PDE3B: variants seen among roughly 807,000 people sequenced by gnomAD.
The protein encoded by PDE3B is phosphodiesterase 3B, also known as cGMP-inhibited 3',5'-cyclic phosphodiesterase 3B.
PDE3B carries 66 observed loss-of-function variants against 116.8 expected under a neutral mutation model. The ratio of observed to expected loss-of-function variants is 0.56; its 90% confidence interval spans 0.46 to 0.69. The LOEUF (loss-of-function observed/expected upper bound fraction) is 0.69, where lower values mean the gene tolerates loss of function less well. Among genes scored for constraint, PDE3B ranks in the 30% least tolerant of loss-of-function variants. The pLI, the probability that PDE3B is intolerant of heterozygous loss-of-function variation, is 0.00. For synonymous variants in PDE3B, 595 were observed against 533.6 expected (o/e 1.12, Z -1.59); for missense variants, 1,384 against 1,368.1 (o/e 1.01, Z -0.18).
intron 1 of PDE3B, among the ~76,000 whole-genome samples, chr11:14,744,683 G>T (rs112585705): frequency 3.9e-5 from 6 of 152,122 alleles, no homozygotes; most frequent in Non-Finnish European, 7.4e-5. Flanking sequence ...CATCCTGAAA[G>T]GCTGGCAAAA....
chr11:14,688,113 T>TTCTCTCTCTCTCTCTC (rs35700152), intron 1 of PDE3B, among the ~76,000 whole-genome samples: 30 of 109,840 alleles, frequency 2.7e-4, no homozygotes, highest in East Asian at 8.1e-4. Flanking sequence ...CTCTCTCTCT[T>TTCTCTCTCTCTCTCTC]TCTCTCTCTC....
At chr11:14,681,069 C>T (rs1008835664) in intron 1 of PDE3B, among the ~76,000 whole-genome samples, 1 of 152,106 alleles carries the variant, frequency 6.6e-6, no homozygotes, top group African/African-American at 2.4e-5. Flanking sequence ...ACCAGACTTT[C>T]AATTTATGGT....
downstream of PDE3B, among the ~76,000 whole-genome samples, chr11:14,875,135 A>G (rs1423382573): frequency 1.3e-5 from 2 of 152,112 alleles, no homozygotes; most frequent in Non-Finnish European, 1.5e-5. Context: ...TCAGCTGTTT[A>G]TCCCAGTAAA....
chr11:14,836,886 C>T (rs1009075669), intron 11 of PDE3B, among the ~76,000 whole-genome samples: 4 of 152,304 alleles, frequency 2.6e-5, no homozygotes, highest in South Asian at 2.1e-4. Flanking sequence ...CTCGGCTCAC[C>T]GCAACCTCCG....
chr11:14,755,326 C>T (rs746029980), intron 1 of PDE3B, among the ~76,000 whole-genome samples: 7 of 152,132 alleles, frequency 4.6e-5, no homozygotes, highest in Admixed American at 6.6e-5. Context: ...AGGGATTTTC[C>T]GTATTTCAAA....
At chr11:14,880,383 A>C in the PDE3B span, 2 of 1,613,458 alleles carry the variant, frequency 1.2e-6, no homozygotes, top group African/African-American at 2.7e-5. Context: ...CATAGACTAC[A>C]GCTGCATTTC....
At chr11:14,891,241 C>G in the PDE3B span, 19 of 984,962 alleles carry the variant, frequency 1.9e-5, no homozygotes, top group African/African-American at 3.3e-4. Flanking sequence ...AGCGAAGTAC[C>G]GACCTCACCG....
Position 14,835,044 on chromosome 11 carries a change from G to C in PDE3B, c.2269G>C (p.Val757Leu). The C allele has an allele frequency of 6.2e-7, 1 of 1,613,382 alleles. No individual in the cohort carries two copies. The highest frequency in any genetic ancestry group is 8.5e-7 in the Non-Finnish European group (1 of 1,179,550). Residue 757 changes from valine (V) to leucine (L), a missense_variant, in exon 11 of 16, where the codon GTT (valine) becomes CTT (leucine). Transcript: ENST00000282096. The part of the protein sequence containing the change: ...HAVWYLTTRP[V>L]PGLQQIHNGC... ...AGTTTGGTATCTGACAACACGGCCA[G>C]TTCCTGGCTTACAGCAGATCCACAA...
intron 14 of PDE3B, among the ~76,000 whole-genome samples, chr11:14,866,087 A>T (rs962712807): frequency 6.6e-6 from 1 of 152,148 alleles, no homozygotes; most frequent in Non-Finnish European, 1.5e-5. Flanking sequence ...GAATGATGGT[A>T]CCTACCTCAT....
chr11:14,696,362 A>G (rs1855208275), intron 1 of PDE3B, among the ~76,000 whole-genome samples: 1 of 152,148 alleles, frequency 6.6e-6, no homozygotes, highest in Admixed American at 6.6e-5. Context: ...GTTTAACTTC[A>G]GTAGAAACTC....
chr11:14,751,251 G>C (rs894559675), intron 1 of PDE3B, among the ~76,000 whole-genome samples: 1 of 152,136 alleles, frequency 6.6e-6, no homozygotes, highest in African/African-American at 2.4e-5. Context: ...GAATTTTGTA[G>C]TGTTGCACTT....
chr11:14,714,540 A>C (rs908353308), intron 1 of PDE3B, among the ~76,000 whole-genome samples: 6 of 104,404 alleles, frequency 5.7e-5, no homozygotes, highest in African/African-American at 1.8e-4. Context: ...ACCCTGTCTC[A>C]AAAAAAAAAA....
intron 1 of PDE3B, among the ~76,000 whole-genome samples, chr11:14,690,706 A>G (rs1855020728): frequency 6.6e-6 from 1 of 151,842 alleles, no homozygotes; most frequent in Non-Finnish European, 1.5e-5. Flanking sequence ...GGAAGTTAAG[A>G]GGAGACAAAT....
Position 14,695,182 on chromosome 11 carries a change from C to T in PDE3B, c.978+50129C>T, listed in dbSNP as rs1331379931. On this transcript the variant is annotated intron_variant, in intron 1 of 15. Coordinates refer to ENST00000282096, the MANE Select transcript of PDE3B (RefSeq NM_000922.4). ...TTATGAAAATTCAAAAAAGGCAAAACAATTTTATTTATTTATGGTTTGTTA... is the reference window on the plus strand; with the variant it reads ...TTATGAAAATTCAAAAAAGGCAAAATAATTTTATTTATTTATGGTTTGTTA... 2.6e-5 allele frequency among the ~76,000 whole-genome samples: 4 copies of T among 152,066 alleles called. No individual in the cohort carries two copies. The East Asian group carries it at 7.7e-4, about 29-fold the overall frequency.
intron 5 of PDE3B, among the ~76,000 whole-genome samples, chr11:14,817,623 T>TCCAAG (rs1859375539): frequency 6.6e-6 from 1 of 151,960 alleles, no homozygotes; most frequent in Non-Finnish European, 1.5e-5. Context: ...CGGTGGCCTG[T>TCCAAG]GCCTGTAGTC....
chr11:14,853,429 A>T (rs731042), intron 12 of PDE3B, among the ~76,000 whole-genome samples: 53,910 of 152,002 alleles, frequency 0.35, 10,970 homozygotes, highest in Admixed American at 0.46. Flanking sequence ...TTTGCTCTGT[A>T]GTACTCCTAG....
chr11:14,809,021 C>T (rs1015261189), intron 5 of PDE3B, among the ~76,000 whole-genome samples: 4 of 152,124 alleles, frequency 2.6e-5, no homozygotes, highest in Admixed American at 2.0e-4. Flanking sequence ...CGTATAGAAA[C>T]GCAAGAGTCC....
intron 6 of PDE3B, 54 bp from the exon 7 acceptor site, chr11:14,819,082 G>T (rs1280366828): frequency 3.8e-6 from 4 of 1,055,378 alleles, no homozygotes; most frequent in Non-Finnish European, 5.7e-6. Flanking sequence ...TTGTGTTCAG[G>T]TAAAAAACTT....
intron 1 of PDE3B, among the ~76,000 whole-genome samples, chr11:14,666,482 C>T (rs1049589822): frequency 6.7e-6 from 1 of 150,356 alleles, no homozygotes; most frequent in South Asian, 2.1e-4. Context: ...AAACTACCAT[C>T]AGAGTGAACA....
Sources: allele counts gnomAD v4.1 joint callset (sites outside exome capture counted in the v4.1 genomes callset), GRCh38; gene constraint gnomAD v4.1.1; transcripts MANE v1.5; gene names NCBI Gene and HGNC (gene_info 2026-07-23, HGNC 2026-07-21).